Variants in DLG3 observed in about 807,000 individuals in gnomAD.
DLG3 encodes discs large MAGUK scaffold protein 3, also known as disks large homolog 3.
Under a neutral mutation model 64.1 loss-of-function variants are expected in DLG3, and 1 was observed. That is an observed-to-expected ratio of 0.02 (90% CI 0.01 to 0.07). The LOEUF (loss-of-function observed/expected upper bound fraction) is 0.07. DLG3 is among the 10% of genes least tolerant of loss of function. The pLI, the probability that DLG3 is intolerant of heterozygous loss-of-function variation, is 1.00. For synonymous variants in DLG3, 245 were observed against 259.8 expected, an observed-to-expected ratio of 0.94 and a Z score of 0.55; for missense variants, 429 against 669.5, an observed-to-expected ratio of 0.64 and a Z score of 3.96.
chrX:70,471,249 G>A (rs1393365179), intron 9 of DLG3, among the ~76,000 whole-genome samples: 4 of 111,537 alleles, frequency 3.6e-5, no homozygotes, highest in Non-Finnish European at 7.5e-5. Context: ...TTTTAAAAGG[G>A]TGAGGTAGTG....
intron 12 of DLG3, among the ~76,000 whole-genome samples, chrX:70,494,703 A>G (rs760951855): frequency 1.1e-4 from 12 of 112,094 alleles, no homozygotes; most frequent in Non-Finnish European, 2.1e-4. Context: ...GGAGGTGTTC[A>G]TTGCTCAGTG....
chrX:70,486,924 C>T (rs996521323), intron 10 of DLG3, among the ~76,000 whole-genome samples: 1 of 111,678 alleles, frequency 9.0e-6, no homozygotes, highest in Non-Finnish European at 1.9e-5. Context: ...AGGTGCCAGT[C>T]CCTGTCACTT....
At position 70,449,413 on chromosome X, in the gene DLG3, C is replaced by A; in HGVS notation, c.463C>A (p.Pro155Thr). The A allele has an allele frequency of 8.3e-7, 1 of 1,211,365 alleles. No individual in the cohort carries two copies. The highest frequency in any genetic ancestry group is 1.1e-6 in the Non-Finnish European group (1 of 895,305). ...AGGTGGCATCGACAATCCCCATGTC[C>A]CTGATGACCCTGGCATCTTTATTAC... ...IAGGIDNPHV[P>T]DDPGIFITKI... The change falls in exon 3 of 19, where the codon CCT (proline) becomes ACT (threonine). Residue 155 changes from proline (P) to threonine (T), a missense_variant. By Grantham distance (38) the Pro-to-Thr change is conservative (BLOSUM62 -1). Coordinates refer to ENST00000374360, the MANE Select transcript of DLG3 (RefSeq NM_021120.4).
intron 10 of DLG3, among the ~76,000 whole-genome samples, chrX:70,491,591 C>T (rs1820694353): frequency 8.9e-6 from 1 of 112,496 alleles, no homozygotes; most frequent in South Asian, 3.7e-4. Flanking sequence ...TCTATGGTCC[C>T]ATTGGTCTTT....
In DLG3 at chrX:70,448,971, T is replaced by C. The variant is rs756166933; in HGVS notation, c.408+8T>C. ...GAAATCGTACTTGAGAGGGTGAGTC[T>C]GCCAGTGGGGAAAAGCGGAAAGGGA... On this transcript the variant is annotated splice_region_variant and intron_variant, in intron 2 of 18. Transcript: ENST00000374360. 3.3e-6 allele frequency: 4 copies of C among 1,206,698 alleles called. No homozygotes were observed. Among genetic ancestry groups the C allele is most frequent in the Non-Finnish European group, 4.5e-6 (4 of 893,017 alleles).
At chrX:70,449,218 C>T in intron 2 of DLG3, 141 bp from the exon 3 acceptor site, 1 of 919,352 alleles carries the variant, frequency 1.1e-6, no homozygotes, top group Non-Finnish European at 1.5e-6. Context: ...GGCTGGGTGT[C>T]TGACAAATGT....
At chrX:70,459,757 A>G (rs925125536) in intron 9 of DLG3, among the ~76,000 whole-genome samples, 4 of 111,761 alleles carry the variant, frequency 3.6e-5, no homozygotes, top group African/African-American at 1.3e-4. Context: ...CATTATCCCC[A>G]TTTTACAAAT....
chrX:70,465,985 AT>A (rs2086877872), intron 9 of DLG3, among the ~76,000 whole-genome samples: 2 of 111,105 alleles, frequency 1.8e-5, no homozygotes, highest in African/African-American at 6.5e-5. Context: ...TTCCGAAAAG[AT>A]TTTTTTAAGG....
At chrX:70,466,629 G>A (rs35594806) in intron 9 of DLG3, among the ~76,000 whole-genome samples, 28,455 of 108,456 alleles carry the variant, frequency 0.26, 3,250 homozygotes, top group African/African-American at 0.41. Flanking sequence ...TAGTAGAGAG[G>A]GGGTTTCACC....
At chrX:70,446,176 A>G (rs1332587924) in intron 1 of DLG3, among the ~76,000 whole-genome samples, 1 of 110,366 alleles carries the variant, frequency 9.1e-6, no homozygotes, top group Non-Finnish European at 1.9e-5. Context: ...GGCTGCAGGG[A>G]TGGCTGTGTT....
chrX:70,462,047 C>CCG (rs375937213), intron 9 of DLG3, among the ~76,000 whole-genome samples: 2 of 91,594 alleles, frequency 2.2e-5, no homozygotes, highest in Admixed American at 1.2e-4. Context: ...TCATCCCCCC[C>CCG]CCACCGCCCC....
chrX:70,495,948 C>G (rs965174326), intron 13 of DLG3, among the ~76,000 whole-genome samples: 113 of 111,588 alleles, frequency 1.0e-3, no homozygotes, highest in African/African-American at 3.4e-3. Context: ...AGATCCCGGG[C>G]CTCAGCAAAC....
At chrX:70,450,518 C>A in intron 5 of DLG3, 121 bp from the exon 6 acceptor site, 1 of 990,819 alleles carries the variant, frequency 1.0e-6, no homozygotes, top group Non-Finnish European at 1.4e-6. Flanking sequence ...CTGCTCCTCA[C>A]AGCACTATAC....
In DLG3 at chrX:70,445,317, A is replaced by G. The variant is rs1274846300; in HGVS notation, c.116A>G (p.Tyr39Cys). ...GGCGACTGGCAAGTCCCCGACCCTT[A>G]CGGGCCAGGTGGGGGCAACGGCGCC... ...GYGDWQVPDP[Y>C]GPGGGNGASA... Residue 39 changes from tyrosine (Y) to cysteine (C), a missense_variant, in exon 1 of 19, where the codon TAC becomes TGC. Coordinates refer to ENST00000374360, the MANE Select transcript of DLG3 (RefSeq NM_021120.4). 1 of 1,166,936 alleles carries G rather than the reference A, an allele frequency of 8.6e-7. No homozygotes were observed. Among genetic ancestry groups the G allele is most frequent in the South Asian group, 1.9e-5 (1 of 52,950 alleles).
intron 1 of DLG3, 133 bp downstream of exon 1, chrX:70,445,691 G>T: frequency 1.7e-6 from 1 of 581,964 alleles, no homozygotes; most frequent in South Asian, 2.9e-5. Context: ...ATTGCAGCTG[G>T]GCAAAGAGAG....
At chrX:70,458,998 A>G (rs1421964450) in intron 9 of DLG3, among the ~76,000 whole-genome samples, 1 of 112,504 alleles carries the variant, frequency 8.9e-6, no homozygotes, top group East Asian at 2.8e-4. Flanking sequence ...CCACCAAGGG[A>G]AGGATGGGTT....
chrX:70,494,662 C>T (rs1602979816), intron 12 of DLG3, among the ~76,000 whole-genome samples: 2 of 111,882 alleles, frequency 1.8e-5, no homozygotes, highest in East Asian at 5.7e-4. Flanking sequence ...CAGATGAGTC[C>T]CAGAGTCCCT....
rs1211093787 is a variant in DLG3 at position 70,502,417 on chromosome X, T to C, written c.*148T>C. The stretch of plus-strand genomic sequence containing the variant: ...TGTCAAAAAAAATTAAGTTTTCTAG[T>C]CCTGTTCTTTTTTTTTTTTTAAGTT... On this transcript the variant is annotated 3_prime_UTR_variant, in exon 19 of 19. Coordinates refer to ENST00000374360, the MANE Select transcript of DLG3 (RefSeq NM_021120.4). 1 of 458,265 alleles carries C rather than the reference T, an allele frequency of 2.2e-6. No homozygotes were observed. 37.8% of individuals were successfully genotyped at this position (458,265 alleles called of 1,213,427 possible).
At chrX:70,479,922 C>A (rs950073198) in intron 10 of DLG3, among the ~76,000 whole-genome samples, 1 of 111,679 alleles carries the variant, frequency 9.0e-6, no homozygotes, top group Non-Finnish European at 1.9e-5. Context: ...TTCTCTGACC[C>A]TTGAGGCATA....
Sources: gnomAD v4.1 joint callset for allele counts (sites outside exome capture counted in the v4.1 genomes callset) on GRCh38, gnomAD v4.1.1 for gene constraint, MANE v1.5 for transcripts, NCBI Gene and HGNC (gene_info 2026-07-23, HGNC 2026-07-21) for gene names.